ZNF438: variants seen among roughly 807,000 people sequenced by gnomAD.
ZNF438 encodes the protein zinc finger protein 438.
Under a neutral mutation model 38.0 loss-of-function variants are expected in ZNF438, and 25 were observed. That is an observed-to-expected ratio of 0.66 (90% CI 0.48 to 0.92). The LOEUF is 0.92. Among genes scored for constraint, ZNF438 ranks in the 40% least tolerant of loss-of-function variants. The pLI, the probability that ZNF438 is intolerant of heterozygous loss-of-function variation, is 0.00. For missense variants in ZNF438, 1,007 were observed against 999.6 expected (o/e 1.01, Z -0.10); for synonymous variants, 372 against 364.1 (o/e 1.02, Z -0.25).
intron 1 of ZNF438, among the ~76,000 whole-genome samples, chr10:30,950,025 G>C (rs1474897271): frequency 1.3e-5 from 2 of 151,788 alleles, no homozygotes; most frequent in Non-Finnish European, 2.9e-5. Context: ...AAATGTAAAA[G>C]AACAGAAATT....
chr10:30,878,863 CT>C (rs1243428087), intron 3 of ZNF438, among the ~76,000 whole-genome samples: 12 of 152,080 alleles, frequency 7.9e-5, no homozygotes, highest in Admixed American at 5.2e-4. Context: ...GTGTGGCAGG[CT>C]GAGTAAACAG....
At chr10:30,917,569 G>A (rs2043796458) in intron 2 of ZNF438, among the ~76,000 whole-genome samples, 1 of 152,110 alleles carries the variant, frequency 6.6e-6, no homozygotes, top group Non-Finnish European at 1.5e-5. Flanking sequence ...CTGATCACAT[G>A]CTTACTAATC....
chr10:30,898,599 T>A (rs1027798998), intron 3 of ZNF438, among the ~76,000 whole-genome samples: 1 of 152,152 alleles, frequency 6.6e-6, no homozygotes, highest in Non-Finnish European at 1.5e-5. Context: ...CATCTATTTT[T>A]ATACTAAAAA....
chr10:30,846,812 C>A (rs1054341642), intron 5 of ZNF438, among the ~76,000 whole-genome samples: 3 of 152,176 alleles, frequency 2.0e-5, no homozygotes, highest in South Asian at 2.1e-4. Context: ...CCTTTCCCCC[C>A]ACGGGCTCAA....
intron 2 of ZNF438, among the ~76,000 whole-genome samples, chr10:30,914,223 A>C (rs184548457): frequency 1.3e-4 from 20 of 152,232 alleles, no homozygotes; most frequent in Non-Finnish European, 2.4e-4. Flanking sequence ...AAAAAAGTTA[A>C]ATCTAAGGAT....
At chr10:31,013,176 G>T (rs181763315) in intron 1 of ZNF438, among the ~76,000 whole-genome samples, 2,459 of 152,218 alleles carry the variant, frequency 0.016, 63 homozygotes, top group African/African-American at 0.056. Context: ...AAAATTAGCC[G>T]CGCGCGGTGG....
chr10:30,971,273 A>T (rs1024429789), intron 1 of ZNF438, among the ~76,000 whole-genome samples: 8 of 152,230 alleles, frequency 5.3e-5, no homozygotes, highest in African/African-American at 1.9e-4. Context: ...CTACGCAGTA[A>T]GTGTCAGCTG....
intron 2 of ZNF438, among the ~76,000 whole-genome samples, chr10:30,941,236 TA>T (rs1318169122): frequency 6.6e-6 from 1 of 152,018 alleles, no homozygotes; most frequent in Non-Finnish European, 1.5e-5. Context: ...CATGCCCAAC[TA>T]ATTTTTGTAG....
intron 1 of ZNF438, among the ~76,000 whole-genome samples, chr10:31,025,190 AGAAG>A (rs1355672094): frequency 6.6e-6 from 1 of 152,248 alleles, no homozygotes; most frequent in Non-Finnish European, 1.5e-5. Context: ...AAGGAGGAAC[AGAAG>A]GAAGGAGGGA....
intron 3 of ZNF438, among the ~76,000 whole-genome samples, chr10:30,902,719 T>C (rs2042157796): frequency 1.3e-5 from 2 of 152,176 alleles, no homozygotes; most frequent in African/African-American, 4.8e-5. Context: ...TTCCAAGTCC[T>C]CACTAGACTC....
chr10:30,926,313 A>G (rs2044909508), intron 2 of ZNF438, among the ~76,000 whole-genome samples: 1 of 152,224 alleles, frequency 6.6e-6, no homozygotes, highest in African/African-American at 2.4e-5. Flanking sequence ...TACAACTTCA[A>G]AAGCAGAACA....
intron 4 of ZNF438, among the ~76,000 whole-genome samples, chr10:30,875,112 G>C (rs2038206464): frequency 6.6e-6 from 1 of 152,122 alleles, no homozygotes; most frequent in Non-Finnish European, 1.5e-5. Flanking sequence ...TCCCAGAAAA[G>C]ACTGGGTAAG....
At chr10:30,999,904 C>T (rs2054473226) in intron 1 of ZNF438, among the ~76,000 whole-genome samples, 1 of 152,224 alleles carries the variant, frequency 6.6e-6, no homozygotes. Context: ...TTTATAGTCA[C>T]TTAAATGGAC....
chr10:31,024,986 C>A (rs138441050), intron 1 of ZNF438, among the ~76,000 whole-genome samples: 32 of 152,234 alleles, frequency 2.1e-4, no homozygotes, highest in Admixed American at 9.2e-4. Context: ...AACCACTAGA[C>A]ACACTAGCAA....
intron 1 of ZNF438, among the ~76,000 whole-genome samples, chr10:31,007,595 T>G (rs921985267): frequency 1.3e-5 from 2 of 152,164 alleles, no homozygotes; most frequent in Non-Finnish European, 2.9e-5. Context: ...TTTTGTTTTT[T>G]GTTTGTTTGT....
At chr10:30,904,727 C>T (rs571363616) in intron 3 of ZNF438, among the ~76,000 whole-genome samples, 5 of 152,314 alleles carry the variant, frequency 3.3e-5, no homozygotes, top group South Asian at 4.1e-4. Flanking sequence ...ATTTCCTGAA[C>T]ACCCCATGAC....
intron 1 of ZNF438, among the ~76,000 whole-genome samples, chr10:30,957,185 C>T (rs758259376): frequency 3.9e-5 from 6 of 152,104 alleles, no homozygotes; most frequent in Non-Finnish European, 8.8e-5. Flanking sequence ...ATTTGCATGT[C>T]TTCTTTTGAG....
chr10:30,975,837 G>A (rs1310075511), intron 1 of ZNF438, among the ~76,000 whole-genome samples: 1 of 151,550 alleles, frequency 6.6e-6, no homozygotes. Flanking sequence ...GACAACTTAG[G>A]GTTTTCATAT....
intron 1 of ZNF438, among the ~76,000 whole-genome samples, chr10:30,970,000 T>C (rs921450942): frequency 6.6e-6 from 1 of 152,006 alleles, no homozygotes; most frequent in Admixed American, 6.6e-5. Flanking sequence ...TACTGAGACC[T>C]TTGGCAAATG....
Sources: allele counts gnomAD v4.1 joint callset (sites outside exome capture counted in the v4.1 genomes callset), GRCh38; gene constraint gnomAD v4.1.1; transcripts MANE v1.5; gene names NCBI Gene and HGNC (gene_info 2026-07-23, HGNC 2026-07-21).